The following DTX4 variants were observed in gnomAD, a reference collection of about 807,000 sequenced individuals.
DTX4 encodes E3 ubiquitin-protein ligase DTX4.
DTX4 carries 28 observed loss-of-function variants against 57.6 expected under a neutral mutation model. The observed-to-expected ratio is 0.49, with a 90% CI of 0.36 to 0.67. The LOEUF is 0.67. Among genes scored for constraint, DTX4 ranks in the 30% least tolerant of loss-of-function variants. DTX4 has a pLI of 0.00. For missense variants in DTX4, 715 were observed against 836.8 expected (o/e 0.85, Z 1.80); for synonymous variants, 316 against 331.0 (o/e 0.95, Z 0.49).
At chr11:59,203,127 C>T (rs1862759437) in intron 8 of DTX4, among the ~76,000 whole-genome samples, 2 of 152,170 alleles carry the variant, frequency 1.3e-5, no homozygotes, top group African/African-American at 4.8e-5. Flanking sequence ...ATGTGAAGGC[C>T]TAGGACATTG....
intron 2 of DTX4, among the ~76,000 whole-genome samples, chr11:59,187,814 C>T (rs1322334242): frequency 6.6e-6 from 1 of 152,222 alleles, no homozygotes; most frequent in Non-Finnish European, 1.5e-5. Flanking sequence ...CCTCTCCAGC[C>T]TGGCTGGAGT....
At chr11:59,188,580 A>G (rs1862556693) in intron 2 of DTX4, among the ~76,000 whole-genome samples, 155 bp from the exon 3 acceptor site, 1 of 152,234 alleles carries the variant, frequency 6.6e-6, no homozygotes, top group Admixed American at 6.5e-5. Flanking sequence ...TGAGGTTCTG[A>G]GTGGTGGCAT....
rs1050987789 is a variant in DTX4 at position 59,177,494 on chromosome 11, CCT to C, written c.212-4242_212-4241del. 1.7e-3 allele frequency among the ~76,000 whole-genome samples: 263 copies of C among 152,250 alleles called. 3 individuals are homozygous for C. Among genetic ancestry groups the C allele is most frequent in the African/African-American group, 6.2e-3 (256 of 41,536 alleles). The stretch of plus-strand genomic sequence containing the variant: ...TGGACAGAGTGGCTCTGGTCTTGCC[CCT>C]CTTTTCTTAACAAACTTCACTGGCT... On this transcript the variant is annotated intron_variant, in intron 1 of 8. Transcript: ENST00000227451.
rs1862558449 is a variant in DTX4 at position 59,188,735 on chromosome 11, G to C, written c.936G>C (p.Gly312=). Residue 312 remains glycine (G), a splice_region_variant and synonymous_variant, in exon 3 of 9, where the codon GGG becomes GGC. Coordinates refer to ENST00000227451, the MANE Select transcript of DTX4 (RefSeq NM_015177.2). ...IAQSRVLIAS[G]VPTVPVKNLN... ...TTGTATCTGCTCTTTCCTTTCACAG[G>C]GTCCCCACAGTCCCAGTGAAGAACC... 1.2e-6 allele frequency: 2 copies of C among 1,613,606 alleles called. No individual in the cohort carries two copies. Among genetic ancestry groups the C allele is most frequent in the African/African-American group, 2.7e-5 (2 of 74,890 alleles).
intron 8 of DTX4, among the ~76,000 whole-genome samples, chr11:59,201,812 G>A (rs1862744019): frequency 6.6e-6 from 1 of 152,300 alleles, no homozygotes; most frequent in Non-Finnish European, 1.5e-5. Flanking sequence ...AAAGTCCTGC[G>A]GTTAAAACTA....
At position 59,192,149 on chromosome 11, in the gene DTX4, C is replaced by T; in HGVS notation, c.1273C>T (p.Pro425Ser). ...RLTAPSGYKG[P>S]QPTVKPDLVG... The stretch of plus-strand genomic sequence containing the variant: ...CACGGCCCCCTCAGGCTACAAGGGC[C>T]CGCAGCCTACGGTAAAACCTGACCT... Residue 425 changes from proline (P) to serine (S), a missense_variant, in exon 6 of 9, where the codon CCG becomes TCG. Physicochemically the swap from Pro to Ser is moderately conservative, Grantham distance 74 (BLOSUM62 -1). Transcript: ENST00000227451. 1 of 1,613,950 alleles carries T rather than the reference C, an allele frequency of 6.2e-7. No individual in the cohort carries two copies. The highest frequency in any genetic ancestry group is 8.5e-7 in the Non-Finnish European group (1 of 1,179,902).
In DTX4 at chr11:59,197,577, G is replaced by A. The variant is rs190363325; in HGVS notation, c.1537-2107G>A. ...TAGGAATATGGACCATTGTGTGAAT[G>A]GAATTATGCTCTAGGAAGGCTAGTC... On this transcript the variant is annotated intron_variant, in intron 7 of 8. Transcript: ENST00000227451. 4.0e-4 allele frequency among the ~76,000 whole-genome samples: 61 copies of A among 152,252 alleles called. No homozygotes were observed. The East Asian group carries it at 0.011, about 27-fold the overall frequency.
chr11:59,177,202 G>A (rs1862406105), intron 1 of DTX4, among the ~76,000 whole-genome samples: 1 of 152,158 alleles, frequency 6.6e-6, no homozygotes, highest in African/African-American at 2.4e-5. Context: ...TGAAATTTGA[G>A]TGTACCCATG....
chr11:59,195,406 C>T (rs747032300), intron 7 of DTX4, 37 bp downstream of exon 7: 1 of 1,565,488 alleles, frequency 6.4e-7, no homozygotes. Context: ...TCTGTCACCC[C>T]TTGGTTTTTA....
Position 59,193,968 on chromosome 11 carries a change from G to A in DTX4, c.1375-1240G>A, listed in dbSNP as rs186974549. ...TACACACGTTGCTCCCAGCCCATGC[G>A]CCTTCCTTCTCTTTGCCCCTCCTTT... On this transcript the variant is annotated intron_variant, in intron 6 of 8. Coordinates refer to ENST00000227451, the MANE Select transcript of DTX4 (RefSeq NM_015177.2). Among the ~76,000 whole-genome samples the A allele has an allele frequency of 5.9e-5, 9 of 152,232 alleles. No individual in the cohort carries two copies. The East Asian group carries it at 9.7e-4, about 16-fold the overall frequency.
At chr11:59,179,867 T>G (rs1011136290) in intron 1 of DTX4, among the ~76,000 whole-genome samples, 1 of 151,456 alleles carries the variant, frequency 6.6e-6, no homozygotes, top group Non-Finnish European at 1.5e-5. Flanking sequence ...ATATAGAAAC[T>G]TTTTCTCTCT....
chr11:59,184,493 C>A (rs1476974523), intron 2 of DTX4, among the ~76,000 whole-genome samples: 1 of 152,242 alleles, frequency 6.6e-6, no homozygotes, highest in Non-Finnish European at 1.5e-5. Context: ...ATTGTGATTG[C>A]TGTTATTATT....
chr11:59,196,088 T>A (rs1042376146), intron 7 of DTX4, among the ~76,000 whole-genome samples: 1 of 152,254 alleles, frequency 6.6e-6, no homozygotes, highest in Non-Finnish European at 1.5e-5. Flanking sequence ...GGCCGTTGAC[T>A]GTATGCATTT....
chr11:59,201,696 G>T (rs75007399), intron 8 of DTX4, among the ~76,000 whole-genome samples: 1 of 152,132 alleles, frequency 6.6e-6, no homozygotes, highest in Non-Finnish European at 1.5e-5. Context: ...AGTGTCCCCA[G>T]ATTAGGGGTC....
chr11:59,201,896 T>C (rs1196348726), intron 8 of DTX4, among the ~76,000 whole-genome samples: 1 of 152,220 alleles, frequency 6.6e-6, no homozygotes, highest in African/African-American at 2.4e-5. Flanking sequence ...GAGTCCCTGG[T>C]ACCCAGATGG....
chr11:59,206,356 G>A lies in DTX4; in HGVS notation c.*1447G>A, dbSNP rs1471259939. ...TCTTATTGCCTTTGGCTCCCAGTAA[G>A]GAACGAATTGGGGGCCAGGGAGGAG... is the stretch of plus-strand genomic sequence containing the variant. On this transcript the variant is annotated 3_prime_UTR_variant, in exon 9 of 9. Coordinates refer to ENST00000227451, the MANE Select transcript of DTX4 (RefSeq NM_015177.2). 6.6e-6 allele frequency: 1 copy of A among 152,436 alleles called. No individual in the cohort carries two copies. The highest frequency in any genetic ancestry group is 1.9e-4 in the East Asian group (1 of 5,192). The allele number at this position is 152,436 out of a possible 1,614,324, so 9.4% of individuals were successfully genotyped here.
At chr11:59,194,625 A>G (rs1862639633) in intron 6 of DTX4, among the ~76,000 whole-genome samples, 1 of 152,176 alleles carries the variant, frequency 6.6e-6, no homozygotes, top group Admixed American at 6.5e-5. Flanking sequence ...CTTCTCCTAT[A>G]AGGGAAACTG....
At chr11:59,192,623 C>G (rs1386554973) in intron 6 of DTX4, among the ~76,000 whole-genome samples, 1 of 152,148 alleles carries the variant, frequency 6.6e-6, no homozygotes, top group African/African-American at 2.4e-5. Flanking sequence ...AGCGCTAGAC[C>G]CATGGTGAGT....
In DTX4 at chr11:59,207,167, C is replaced by T. The variant is rs1862822704; in HGVS notation, c.*2258C>T. 6.6e-6 allele frequency: 1 copy of T among 152,312 alleles called. No individual in the cohort carries two copies. 9.4% of individuals were successfully genotyped at this position (152,312 alleles called of 1,614,324 possible). A position where few individuals can be genotyped will look rare whatever the true frequency, so the allele number is the denominator to read the frequency against. On this transcript the variant is annotated 3_prime_UTR_variant, in exon 9 of 9. Transcript: ENST00000227451. Reference sequence around the variant, plus strand: ...CCATGGGAAGAAAGACACAATGAGGCAGTAGGAGGTGGGGAAGAAAAGAAG... The same window carrying T: ...CCATGGGAAGAAAGACACAATGAGGTAGTAGGAGGTGGGGAAGAAAAGAAG...
Sources: gnomAD v4.1 joint callset for allele counts (sites outside exome capture counted in the v4.1 genomes callset) on GRCh38, gnomAD v4.1.1 for gene constraint, MANE v1.5 for transcripts, NCBI Gene and HGNC (gene_info 2026-07-23, HGNC 2026-07-21) for gene names.